LPP: variants seen among roughly 807,000 people sequenced by gnomAD.
LPP encodes LIM domain containing preferred translocation partner in lipoma.
In LPP, 38 loss-of-function variants were observed where a neutral mutation model predicts 60.4. The observed-to-expected ratio is 0.63, with a 90% CI of 0.49 to 0.83. The LOEUF (loss-of-function observed/expected upper bound fraction) is 0.83. LPP is among the 40% of genes least tolerant of loss of function. The pLI is 0.00. For synonymous variants in LPP, 328 were observed against 290.8 expected, an observed-to-expected ratio of 1.13 and a Z score of -1.30; for missense variants, 902 against 783.6, an observed-to-expected ratio of 1.15 and a Z score of -1.80.
At position 188,827,795 on chromosome 3, in the gene LPP, G is replaced by T. The variant is rs111397228; in HGVS notation, c.1411-38405G>T. 1.4e-3 allele frequency among the ~76,000 whole-genome samples: 210 copies of T among 152,310 alleles called. 2 individuals are homozygous for T. The highest frequency in any genetic ancestry group is 2.3e-3 in the Non-Finnish European group (154 of 68,020). On this transcript the variant is annotated intron_variant, in intron 9 of 11. Coordinates refer to ENST00000617246, the MANE Select transcript of LPP (RefSeq NM_001375462.1). ...TTCTGAGCCAAGTGCCTGCTGGAATGTGGACTGTAAATCTCTCATCGTCCT... is the reference window on the plus strand; with the variant it reads ...TTCTGAGCCAAGTGCCTGCTGGAATTTGGACTGTAAATCTCTCATCGTCCT...
chr3:188,627,472 C>T (rs1847051199), intron 7 of LPP, among the ~76,000 whole-genome samples: 1 of 151,972 alleles, frequency 6.6e-6, no homozygotes, highest in African/African-American at 2.4e-5. Context: ...AAATGGAAAA[C>T]AAAATAAAGC....
Position 188,306,060 on chromosome 3 carries a change from A to G in LPP, c.-66-35603A>G, listed in dbSNP as rs141899898. 7.3e-4 allele frequency among the ~76,000 whole-genome samples: 111 copies of G among 152,020 alleles called. 1 individual carries two copies. The highest frequency in any genetic ancestry group is 2.4e-3 in the African/African-American group (98 of 41,494). ...CTAGGGTTGTTTCTTCATCCTTGAAAAATGTTGTGTTTTCTTTTTCTTTTC... is the reference window on the plus strand; with the variant it reads ...CTAGGGTTGTTTCTTCATCCTTGAAGAATGTTGTGTTTTCTTTTTCTTTTC... On this transcript the variant is annotated intron_variant, in intron 2 of 11. Coordinates refer to ENST00000617246, the MANE Select transcript of LPP (RefSeq NM_001375462.1).
chr3:188,779,072 G>A (rs1738756159), intron 9 of LPP, among the ~76,000 whole-genome samples: 1 of 151,726 alleles, frequency 6.6e-6, no homozygotes, highest in African/African-American at 2.4e-5. Context: ...GGATCATTAA[G>A]ATTATTATGC....
chr3:188,382,909 T>G (rs1172963499), intron 3 of LPP, among the ~76,000 whole-genome samples: 1 of 152,196 alleles, frequency 6.6e-6, no homozygotes. Flanking sequence ...TCTCCTGAAG[T>G]TCTTACTCTG....
At chr3:188,814,202 TAGG>T (rs1366677410) in intron 9 of LPP, among the ~76,000 whole-genome samples, 1 of 152,134 alleles carries the variant, frequency 6.6e-6, no homozygotes, top group Non-Finnish European at 1.5e-5. Flanking sequence ...GACCTTTAGT[TAGG>T]AGGTCAACTG....
intron 3 of LPP, among the ~76,000 whole-genome samples, chr3:188,378,966 AGGGT>A (rs1776097434): frequency 6.6e-6 from 1 of 152,150 alleles, no homozygotes; most frequent in African/African-American, 2.4e-5. Context: ...GAGAAGGGGA[AGGGT>A]GTGGGCAGGG....
rs531826810 is a variant in LPP at position 188,352,672 on chromosome 3, G to GGTCTT, written c.-10+10956_-10+10960dup. Among the ~76,000 whole-genome samples the GGTCTT allele has an allele frequency of 1.3e-4, 19 of 147,886 alleles. No individual in the cohort carries two copies. In the East Asian group the frequency reaches 3.8e-3, roughly 30 times the overall value. Reference sequence around the variant, plus strand: ...GAGAGAAGGCTGGGAGAGGAGGTCAGGTCTTGTTTCCCTGCTTGTTGATGT... The same window carrying GGTCTT: ...GAGAGAAGGCTGGGAGAGGAGGTCAGGTCTTGTCTTGTTTCCCTGCTTGTTGATGT... On this transcript the variant is annotated intron_variant, in intron 3 of 11. Coordinates refer to ENST00000617246, the MANE Select transcript of LPP (RefSeq NM_001375462.1). This position sits in a 1 kb window ranked among gnomAD's most constrained non-coding sequence, Gnocchi z 4.4.
At chr3:188,752,781 T>A (rs1728515928) in intron 8 of LPP, among the ~76,000 whole-genome samples, 1 of 152,172 alleles carries the variant, frequency 6.6e-6, no homozygotes, top group Non-Finnish European at 1.5e-5. Flanking sequence ...AAACTACTCT[T>A]GGTGGAACAC....
At chr3:188,664,947 G>A (rs1286338594) in intron 7 of LPP, among the ~76,000 whole-genome samples, 1 of 152,116 alleles carries the variant, frequency 6.6e-6, no homozygotes, top group East Asian at 1.9e-4. Context: ...GAGTGTGCCA[G>A]GTCTCCAGCC....
intron 1 of LPP, among the ~76,000 whole-genome samples, chr3:188,211,555 G>C (rs1171113086): frequency 6.6e-6 from 1 of 152,002 alleles, no homozygotes; most frequent in Non-Finnish European, 1.5e-5. Context: ...ATTCAGTCTG[G>C]AGTCATTTTA....
At chr3:188,507,008 A>G (rs1813690613) in intron 5 of LPP, among the ~76,000 whole-genome samples, 1 of 152,098 alleles carries the variant, frequency 6.6e-6, no homozygotes, top group Non-Finnish European at 1.5e-5. Context: ...TGTGTTAGTC[A>G]GGATGGTCTT....
At chr3:188,457,739 A>AATATATATAT (rs57639615) in intron 4 of LPP, among the ~76,000 whole-genome samples, 2 of 140,074 alleles carry the variant, frequency 1.4e-5, no homozygotes, top group Non-Finnish European at 3.1e-5. Context: ...AAAAAAAAAA[A>AATATATATAT]ATATATATAT....
At chr3:188,735,489 C>A (rs1213711341) in intron 8 of LPP, among the ~76,000 whole-genome samples, 1 of 152,054 alleles carries the variant, frequency 6.6e-6, no homozygotes, top group African/African-American at 2.4e-5. Flanking sequence ...TCAAGCAATT[C>A]TCCTGCCTCA....
At chr3:188,624,862 T>C (rs1193121068) in intron 7 of LPP, among the ~76,000 whole-genome samples, 1 of 149,118 alleles carries the variant, frequency 6.7e-6, no homozygotes, top group Non-Finnish European at 1.5e-5. Context: ...AGACAGTGAC[T>C]CTACAGATAA....
rs766522013 is a variant in LPP, at chr3:188,485,796, C to CAAAA, written c.306+1107_306+1110dup. Among the ~76,000 whole-genome samples the CAAAA allele has an allele frequency of 2.2e-3, 88 of 40,154 alleles. 5 individuals carry two copies. Among genetic ancestry groups the CAAAA allele is most frequent in the Admixed American group, 4.0e-3 (11 of 2,756 alleles). 26.3% of individuals were successfully genotyped at this position (40,154 alleles called of 152,430 possible). A position where few individuals can be genotyped will look rare whatever the true frequency, so the allele number is the denominator to read the frequency against. ...TGGGCGACAGAGCGAGACTCCGTCT[C>CAAAA]AAAAAAAAAAAAAAAAAATGGAATG... On this transcript the variant is annotated intron_variant, in intron 5 of 11. Coordinates refer to ENST00000617246, the MANE Select transcript of LPP (RefSeq NM_001375462.1).
chr3:188,168,887 A>G (rs1395244786), intron 1 of LPP, among the ~76,000 whole-genome samples: 1 of 152,242 alleles, frequency 6.6e-6, no homozygotes. Context: ...TATTTAATTA[A>G]CATTCAGCAA....
chr3:188,646,017 A>ATTTATTTCTCT (rs1851046869), intron 7 of LPP, among the ~76,000 whole-genome samples: 1 of 152,214 alleles, frequency 6.6e-6, no homozygotes, highest in Non-Finnish European at 1.5e-5. Flanking sequence ...TAAACAGAGA[A>ATTTATTTCTCT]ATAAATGAAA....
chr3:188,541,959 A>T (rs1261506250), intron 6 of LPP, among the ~76,000 whole-genome samples: 1 of 152,158 alleles, frequency 6.6e-6, no homozygotes, highest in Non-Finnish European at 1.5e-5. Flanking sequence ...GTAGAACATG[A>T]TGTTTGATAT....
At chr3:188,334,831 G>T (rs1027329730) in intron 2 of LPP, among the ~76,000 whole-genome samples, 3 of 152,020 alleles carry the variant, frequency 2.0e-5, no homozygotes, top group Non-Finnish European at 2.9e-5. Flanking sequence ...CCTTTTCTTT[G>T]CATCTTTGCC....
Sources: allele counts gnomAD v4.1 joint callset (sites outside exome capture counted in the v4.1 genomes callset), GRCh38; gene constraint gnomAD v4.1.1; non-coding constraint Gnocchi (gnomAD v3.1); transcripts MANE v1.5; gene names NCBI Gene and HGNC (gene_info 2026-07-23, HGNC 2026-07-21).